Variants in RNF180 observed in about 807,000 individuals in gnomAD.
The protein encoded by RNF180 is ring finger protein 180.
RNF180 carries 38 observed loss-of-function variants against 59.2 expected under a neutral mutation model. The observed-to-expected ratio is 0.64, with a 90% CI of 0.50 to 0.84. The LOEUF (loss-of-function observed/expected upper bound fraction) is 0.84. Among genes scored for constraint, RNF180 ranks in the 40% least tolerant of loss-of-function variants. RNF180 has a pLI of 0.00. For synonymous variants in RNF180, 262 were observed against 240.3 expected, an observed-to-expected ratio of 1.09 and a Z score of -0.84; for missense variants, 705 against 700.9, an observed-to-expected ratio of 1.01 and a Z score of -0.07.
intron 5 of RNF180, among the ~76,000 whole-genome samples, chr5:64,306,096 AT>A (rs1213502811): frequency 1.3e-5 from 2 of 151,682 alleles, no homozygotes; most frequent in African/African-American, 4.8e-5. Flanking sequence ...GCTGTATTGT[AT>A]TTTTATACTT....
Position 64,201,608 on chromosome 5 carries a change from A to G in RNF180, c.135+666A>G, listed in dbSNP as rs182655849. ...TTCCGCTTCTTTGGGAGACATACTC[A>G]GCTTTTTGGTTTTCGTTTGTTTCGT... is the stretch of plus-strand genomic sequence containing the variant. On this transcript the variant is annotated intron_variant, in intron 2 of 7. Transcript: ENST00000389100. Among the ~76,000 whole-genome samples, 9 of 152,328 alleles carry G rather than the reference A, an allele frequency of 5.9e-5. No individual in the cohort carries two copies. In the East Asian group the frequency reaches 1.5e-3, roughly 26 times the overall value.
At chr5:64,306,337 T>C (rs962707897) in intron 5 of RNF180, among the ~76,000 whole-genome samples, 4 of 151,654 alleles carry the variant, frequency 2.6e-5, no homozygotes, top group Non-Finnish European at 5.9e-5. Flanking sequence ...ATAAATAATA[T>C]ATGTAAAAAA....
chr5:64,247,745 A>G (rs1425796773), intron 5 of RNF180, among the ~76,000 whole-genome samples: 1 of 152,186 alleles, frequency 6.6e-6, no homozygotes, highest in African/African-American at 2.4e-5. Flanking sequence ...TCTTCACAGA[A>G]TTAATAAAAC....
chr5:64,265,678 T>A (rs1744622973), intron 5 of RNF180, among the ~76,000 whole-genome samples: 1 of 152,224 alleles, frequency 6.6e-6, no homozygotes. Context: ...CCAGCTTTGT[T>A]CTTTTTGCTT....
intron 5 of RNF180, among the ~76,000 whole-genome samples, chr5:64,250,380 C>G (rs1197245157): frequency 6.6e-6 from 1 of 151,990 alleles, no homozygotes; most frequent in East Asian, 1.9e-4. Context: ...CAAGAACAAA[C>G]TAAACCCAAA....
chr5:64,170,618 T>C (rs1749889012), intron 1 of RNF180, among the ~76,000 whole-genome samples: 1 of 152,172 alleles, frequency 6.6e-6, no homozygotes, highest in Non-Finnish European at 1.5e-5. Context: ...ATAAGAATCT[T>C]ATTATGATGG....
chr5:64,200,586 G>A (rs901387545), intron 1 of RNF180, among the ~76,000 whole-genome samples: 1 of 152,134 alleles, frequency 6.6e-6, no homozygotes, highest in African/African-American at 2.4e-5. Context: ...AAATAAGCTG[G>A]TAGTCATTAA....
chr5:64,315,807 A>C (rs6449709), intron 5 of RNF180, among the ~76,000 whole-genome samples: 43,084 of 150,788 alleles, frequency 0.29, 6,360 homozygotes, highest in African/African-American at 0.35. Flanking sequence ...GAAATGCTTT[A>C]TGGGTACTTC....
At chr5:64,295,765 T>C (rs1742854133) in intron 5 of RNF180, among the ~76,000 whole-genome samples, 1 of 152,242 alleles carries the variant, frequency 6.6e-6, no homozygotes, top group Non-Finnish European at 1.5e-5. Flanking sequence ...CTCTAGAGTC[T>C]TGCTAGTTTT....
chr5:64,189,584 C>T (rs912970583), intron 1 of RNF180, among the ~76,000 whole-genome samples: 2 of 152,076 alleles, frequency 1.3e-5, no homozygotes, highest in African/African-American at 4.8e-5. Context: ...GATTTGTAAG[C>T]GAAGTGTTGA....
At chr5:64,351,906 T>G (rs1045649739) in intron 7 of RNF180, among the ~76,000 whole-genome samples, 5 of 152,092 alleles carry the variant, frequency 3.3e-5, no homozygotes, top group African/African-American at 9.7e-5. Context: ...TCAGGATGAT[T>G]CTGGCCTCAT....
intron 7 of RNF180, among the ~76,000 whole-genome samples, chr5:64,351,001 G>A (rs1174658144): frequency 1.3e-5 from 2 of 152,002 alleles, no homozygotes; most frequent in Admixed American, 1.3e-4. Flanking sequence ...ACCTTGGGCA[G>A]TATGGCCATT....
intron 5 of RNF180, among the ~76,000 whole-genome samples, chr5:64,224,553 A>C (rs1741555908): frequency 6.6e-6 from 1 of 152,146 alleles, no homozygotes; most frequent in East Asian, 1.9e-4. Flanking sequence ...AATGAGCTTT[A>C]TTGTATGCTA....
chr5:64,300,777 G>A (rs1014766066), intron 5 of RNF180, among the ~76,000 whole-genome samples: 6 of 151,692 alleles, frequency 4.0e-5, no homozygotes, highest in Non-Finnish European at 8.9e-5. Context: ...GGCTTCAGAG[G>A]CACTATGTTG....
rs564626160 is a variant in RNF180 at position 64,225,337 on chromosome 5, G to A, written c.1227+7941G>A. On this transcript the variant is annotated intron_variant, in intron 5 of 7. Coordinates refer to ENST00000389100, the MANE Select transcript of RNF180 (RefSeq NM_001113561.2). ...TGGAGCGCCTCTGCCCAGCCGCCCC[G>A]TCTGGGAAGTGAGGAGCGCCTCTGC... Among the ~76,000 whole-genome samples the A allele has an allele frequency of 2.0e-4, 30 of 149,470 alleles. 1 individual carries two copies. Among genetic ancestry groups the A allele is most frequent in the South Asian group, 1.3e-3 (6 of 4,670 alleles).
intron 7 of RNF180, among the ~76,000 whole-genome samples, chr5:64,335,917 G>A (rs1200640178): frequency 1.3e-5 from 2 of 152,072 alleles, no homozygotes; most frequent in Non-Finnish European, 2.9e-5. Flanking sequence ...CATTTGTTTA[G>A]ATCTCCTTTG....
chr5:64,213,445 G>A (rs771473784), intron 3 of RNF180, 113 bp from the exon 4 acceptor site: 81 of 878,584 alleles, frequency 9.2e-5, no homozygotes, highest in Non-Finnish European at 1.2e-4. Flanking sequence ...CAGAAAGCTA[G>A]CCTTTTCTGT....
At chr5:64,172,248 T>C (rs1223610390) in intron 1 of RNF180, among the ~76,000 whole-genome samples, 4 of 152,144 alleles carry the variant, frequency 2.6e-5, no homozygotes, top group Non-Finnish European at 5.9e-5. Context: ...TGTGTGTGAG[T>C]ACTCCCCAGT....
chr5:64,190,548 T>C (rs963741603), intron 1 of RNF180, among the ~76,000 whole-genome samples: 2 of 152,160 alleles, frequency 1.3e-5, no homozygotes, highest in African/African-American at 4.8e-5. Flanking sequence ...GAAGAGGACA[T>C]GAATTTGGGG....
Sources: gnomAD v4.1 joint callset for allele counts (sites outside exome capture counted in the v4.1 genomes callset) on GRCh38, gnomAD v4.1.1 for gene constraint, MANE v1.5 for transcripts, NCBI Gene and HGNC (gene_info 2026-07-23, HGNC 2026-07-21) for gene names.